Variants in FKBP1B observed in about 807,000 individuals in gnomAD.
The protein encoded by FKBP1B is peptidyl-prolyl cis-trans isomerase FKBP1B.
In FKBP1B, 4 loss-of-function variants were observed where a neutral mutation model predicts 13.5. The observed-to-expected ratio is 0.30, with a 90% CI of 0.15 to 0.68. The LOEUF is 0.68. FKBP1B is among the 30% of genes least tolerant of loss of function. The pLI is 0.76. For missense variants in FKBP1B, 93 were observed against 136.2 expected (o/e 0.68, Z 1.58); for synonymous variants, 54 against 53.6 (o/e 1.01, Z -0.03).
At chr2:24,042,690 C>A in the FKBP1B span, among the ~76,000 whole-genome samples, 19 of 136,566 alleles carry the variant, frequency 1.4e-4, no homozygotes, top group South Asian at 2.4e-4. Flanking sequence ...GCCTGGGCAA[C>A]AAGAGTGAAA....
intron 3 of FKBP1B, among the ~76,000 whole-genome samples, chr2:24,061,879 G>GA (rs1553321489): frequency 6.6e-6 from 1 of 150,826 alleles, no homozygotes; most frequent in Non-Finnish European, 1.5e-5. Flanking sequence ...TGTTTTTGGT[G>GA]TTTTTTTTTA....
At chr2:24,055,098 A>G (rs997174733) in intron 2 of FKBP1B, among the ~76,000 whole-genome samples, 3 of 152,158 alleles carry the variant, frequency 2.0e-5, no homozygotes, top group African/African-American at 4.8e-5. Flanking sequence ...CTAGAGAAGC[A>G]TAGAACATAC....
chr2:24,062,679 CT>C (rs1287278180), intron 3 of FKBP1B, among the ~76,000 whole-genome samples: 1 of 152,174 alleles, frequency 6.6e-6, no homozygotes, highest in Non-Finnish European at 1.5e-5. Context: ...ATAACTGCCC[CT>C]GTCACCTACT....
chr2:24,060,500 C>T (rs1019621325), intron 2 of FKBP1B, among the ~76,000 whole-genome samples: 19 of 151,808 alleles, frequency 1.3e-4, no homozygotes, highest in African/African-American at 3.6e-4. Context: ...TGCAGTGAGC[C>T]GAGATTGTGC....
chr2:24,056,139 G>A (rs887875079), intron 2 of FKBP1B, among the ~76,000 whole-genome samples: 2 of 149,572 alleles, frequency 1.3e-5, no homozygotes, highest in African/African-American at 2.5e-5. Context: ...ACAGGCGCCC[G>A]CCACCATGCC....
Position 24,063,538 on chromosome 2 carries a change from G to A in FKBP1B, c.*346G>A. On this transcript the variant is annotated 3_prime_UTR_variant, in exon 4 of 4. Transcript: ENST00000380986. ...CCACACACACAAGGTGCTCAGACAT[G>A]AAATGTACATGGCGTACCGTACACA... 7.1e-6 allele frequency: 2 copies of A among 282,934 alleles called. No homozygotes were observed. Among genetic ancestry groups the A allele is most frequent in the Non-Finnish European group, 1.3e-5 (2 of 150,920 alleles). The allele number at this position is 282,934 out of a possible 1,614,324, so 17.5% of individuals were successfully genotyped here. A position where few individuals can be genotyped will look rare whatever the true frequency, so the allele number is the denominator to read the frequency against.
intron 2 of FKBP1B, among the ~76,000 whole-genome samples, chr2:24,058,146 G>A (rs1442346378): frequency 6.6e-6 from 1 of 151,722 alleles, no homozygotes; most frequent in South Asian, 2.1e-4. Context: ...GTTGCAGTGA[G>A]CTGAGATTGA....
At chr2:24,036,326 C>T in the FKBP1B span, among the ~76,000 whole-genome samples, 1 of 150,682 alleles carries the variant, frequency 6.6e-6, no homozygotes, top group Non-Finnish European at 1.5e-5. Flanking sequence ...GGCAACATAG[C>T]AAGATCCTGT....
chr2:24,038,265 A>G, the FKBP1B span: 1 of 1,614,194 alleles, frequency 6.2e-7, no homozygotes, highest in East Asian at 2.2e-5. Context: ...GAAATGTTGT[A>G]TCAGTGAGTT....
At chr2:24,042,754 C>G in the FKBP1B span, among the ~76,000 whole-genome samples, 1 of 150,926 alleles carries the variant, frequency 6.6e-6, no homozygotes, top group Non-Finnish European at 1.5e-5. Context: ...GGGCCAGAGC[C>G]AGGCGCGGCG....
chr2:24,054,386 A>G, intron 2 of FKBP1B: 1 of 249,612 alleles, frequency 4.0e-6, no homozygotes, highest in Non-Finnish European at 8.6e-6. Context: ...ATGCCATTTG[A>G]GGGGTGGGGT....
chr2:24,041,300 T>C, the FKBP1B span, among the ~76,000 whole-genome samples: 14 of 151,208 alleles, frequency 9.3e-5, no homozygotes, highest in East Asian at 7.8e-4. Flanking sequence ...AATTGCACCA[T>C]TGCACTTCAG....
chr2:24,052,806 A>T (rs1663940738), intron 1 of FKBP1B, among the ~76,000 whole-genome samples: 1 of 151,960 alleles, frequency 6.6e-6, no homozygotes, highest in Admixed American at 6.6e-5. Context: ...GTCTCTACAA[A>T]TTTTTTTTAA....
In FKBP1B at chr2:24,063,126, C is replaced by T. The variant is rs374480315; in HGVS notation, c.261C>T (p.Gly87=). The change falls in exon 4 of 4, where the codon GGC becomes GGT. Residue 87 remains glycine, a synonymous_variant. Transcript: ENST00000380986. The stretch of plus-strand genomic sequence containing the variant: ...CTGATGTGGCATATGGAGCCACGGG[C>T]CACCCCGGTGTCATCCCTCCCAATG... ...CTPDVAYGAT[G]HPGVIPPNAT... The T allele has an allele frequency of 1.2e-6, 2 of 1,613,738 alleles. No homozygotes were observed. Among genetic ancestry groups the T allele is most frequent in the Non-Finnish European group, 1.7e-6 (2 of 1,179,806 alleles).
chr2:24,039,635 A>T, the FKBP1B span: 1 of 763,478 alleles, frequency 1.3e-6, no homozygotes. Context: ...ACAAAAGGAC[A>T]GGGGGAGTAT....
the FKBP1B span, chr2:24,038,594 T>C: frequency 1.2e-6 from 2 of 1,613,878 alleles, no homozygotes; most frequent in African/African-American, 2.7e-5. Context: ...CTTAGACAAA[T>C]AAGAGAATTA....
rs543699867 is a variant in FKBP1B at position 24,062,457 on chromosome 2, G to GT, written c.199-606dup. Among the ~76,000 whole-genome samples the GT allele has an allele frequency of 2.6e-5, 4 of 152,190 alleles. No homozygotes were observed. In the South Asian group the frequency reaches 8.3e-4, roughly 32 times the overall value. On this transcript the variant is annotated intron_variant, in intron 3 of 3. Coordinates refer to ENST00000380986, the MANE Select transcript of FKBP1B (RefSeq NM_004116.5). ...GCCTCCCAAAGTGCTGAGATTACAG[G>GT]TGTGAGCCACCACGCCCGGACTTTT...
intron 1 of FKBP1B, 103 bp from the exon 2 acceptor site, chr2:24,053,799 T>C: frequency 9.1e-7 from 1 of 1,097,762 alleles, no homozygotes; most frequent in South Asian, 1.3e-5. Context: ...CTCCATGGCA[T>C]GGAGGGGAAT....
chr2:24,045,664 G>T (rs1663599611), upstream of FKBP1B, among the ~76,000 whole-genome samples: 1 of 137,602 alleles, frequency 7.3e-6, no homozygotes, highest in Admixed American at 7.1e-5. Context: ...GAAGGGGGAG[G>T]GGGAGGGAAG....
Sources: allele counts gnomAD v4.1 joint callset (sites outside exome capture counted in the v4.1 genomes callset), GRCh38; gene constraint gnomAD v4.1.1; transcripts MANE v1.5; gene names NCBI Gene and HGNC (gene_info 2026-07-23, HGNC 2026-07-21).